KCNAB2: variants seen among roughly 807,000 people sequenced by gnomAD.
KCNAB2 encodes the protein voltage-gated potassium channel subunit beta-2.
Under a neutral mutation model 63.6 loss-of-function variants are expected in KCNAB2, and 29 were observed. The ratio of observed to expected loss-of-function variants is 0.46; its 90% confidence interval spans 0.34 to 0.62. The LOEUF (loss-of-function observed/expected upper bound fraction) is 0.62. Among genes scored for constraint, KCNAB2 ranks in the 20% least tolerant of loss-of-function variants. The pLI is 0.01. For synonymous variants in KCNAB2, 222 were observed against 224.2 expected (o/e 0.99, Z 0.09); for missense variants, 359 against 563.9 (o/e 0.64, Z 3.68).
rs946166633 is a variant in KCNAB2, at chr1:6,069,615, G to A, written c.219-3140G>A. Among the ~76,000 whole-genome samples, 1 of 152,212 alleles carries A rather than the reference G, an allele frequency of 6.6e-6. No homozygotes were observed. Among genetic ancestry groups the A allele is most frequent in the African/African-American group, 2.4e-5 (1 of 41,444 alleles). On this transcript the variant is annotated intron_variant, in intron 2 of 15. Transcript: ENST00000378083. This position sits in a 1 kb window ranked among gnomAD's most constrained non-coding sequence, Gnocchi z 5.4. ...GATGGGGAAGAAATCGGTAGAAAAT[G>A]ATCTCTGTGTCTGGGAAGTTTCAAG...
chr1:6,050,864 A>G (rs1570959896), intron 1 of KCNAB2, among the ~76,000 whole-genome samples: 1 of 152,358 alleles, frequency 6.6e-6, no homozygotes, highest in East Asian at 1.9e-4. Flanking sequence ...ATGAAGCCCA[A>G]AGATCTCTGC....
At chr1:6,093,834 A>T (rs1373220759) in intron 10 of KCNAB2, among the ~76,000 whole-genome samples, 3 of 152,168 alleles carry the variant, frequency 2.0e-5, no homozygotes, top group Non-Finnish European at 4.4e-5. Context: ...CTCAGCCCCG[A>T]AGCCCTATTC....
intron 2 of KCNAB2, among the ~76,000 whole-genome samples, chr1:6,070,419 G>A (rs1663097084): frequency 6.6e-6 from 1 of 152,168 alleles, no homozygotes; most frequent in Admixed American, 6.5e-5. Flanking sequence ...TATGTGGAAT[G>A]TATTAGTGGT....
At chr1:6,067,528 C>G (rs919110040) in intron 2 of KCNAB2, among the ~76,000 whole-genome samples, 6 of 152,288 alleles carry the variant, frequency 3.9e-5, no homozygotes, top group African/African-American at 1.4e-4. Flanking sequence ...TAAGCCAACC[C>G]TTGCTGGAGG....
chr1:6,020,152 G>A (rs578043296), intron 1 of KCNAB2, among the ~76,000 whole-genome samples: 1 of 152,274 alleles, frequency 6.6e-6, no homozygotes, highest in South Asian at 2.1e-4. Flanking sequence ...AACACTTGGG[G>A]GATGTGCCCC....
At chr1:6,081,335 C>A (rs559727516) in intron 4 of KCNAB2, among the ~76,000 whole-genome samples, 1 of 152,366 alleles carries the variant, frequency 6.6e-6, no homozygotes, top group South Asian at 2.1e-4. Context: ...GTCAGTTGCT[C>A]CATCTACAAA....
intron 11 of KCNAB2, among the ~76,000 whole-genome samples, chr1:6,094,984 T>C (rs1158244555): frequency 6.6e-6 from 1 of 152,208 alleles, no homozygotes; most frequent in Non-Finnish European, 1.5e-5. Flanking sequence ...AGGCAGCCCA[T>C]TTTTCAGATG....
chr1:6,034,022 T>C (rs1659838611), upstream of KCNAB2, among the ~76,000 whole-genome samples: 1 of 151,902 alleles, frequency 6.6e-6, no homozygotes, highest in Admixed American at 6.6e-5. Flanking sequence ...TTGGGTCTGG[T>C]GTGTTGGTTT....
At chr1:6,082,346 C>T in intron 5 of KCNAB2, 72 bp downstream of exon 5, 2 of 1,192,020 alleles carry the variant, frequency 1.7e-6, no homozygotes, top group Non-Finnish European at 2.5e-6. Context: ...GGGATTCCTG[C>T]CGCTCGCGTT....
chr1:6,057,441 G>A (rs942223778), intron 2 of KCNAB2, among the ~76,000 whole-genome samples: 9 of 151,970 alleles, frequency 5.9e-5, no homozygotes, highest in Admixed American at 5.9e-4. Flanking sequence ...GGAGGGCACT[G>A]AGGGCAGGAG....
rs1282435222 is a variant in KCNAB2 at position 6,071,030 on chromosome 1, C to T, written c.219-1725C>T. On this transcript the variant is annotated intron_variant, in intron 2 of 15. Transcript: ENST00000378083. The surrounding 1 kb of genome is among the most constrained non-coding windows in gnomAD (Gnocchi z 8.5). ...TTTTAAAGTACCTTCAGTTTGGTGACACGTTCAACTGTTTTCAAGCTGCTT... is the reference window on the plus strand; with the variant it reads ...TTTTAAAGTACCTTCAGTTTGGTGATACGTTCAACTGTTTTCAAGCTGCTT... Among the ~76,000 whole-genome samples the T allele has an allele frequency of 6.6e-6, 1 of 152,090 alleles. No homozygotes were observed.
At chr1:5,993,244 A>G (rs556494733) in intron 1 of KCNAB2, among the ~76,000 whole-genome samples, 18 of 151,290 alleles carry the variant, frequency 1.2e-4, no homozygotes, top group African/African-American at 2.2e-4. Context: ...TCGCTTCTCA[A>G]GGCTCATCCG....
chr1:6,030,301 A>G (rs1659492322), upstream of KCNAB2, among the ~76,000 whole-genome samples: 1 of 152,186 alleles, frequency 6.6e-6, no homozygotes, highest in Admixed American at 6.5e-5. Context: ...CATATGTAGC[A>G]GGGTGGACTG....
chr1:6,087,545 G>T lies in KCNAB2; in HGVS notation c.470+34G>T, dbSNP rs200176919. ...AACAGCTGGCGATGCTTCCAGCCCCGGCCCAGCAGCCACGGCCCCGTGCTC... is the reference window on the plus strand; with the variant it reads ...AACAGCTGGCGATGCTTCCAGCCCCTGCCCAGCAGCCACGGCCCCGTGCTC... On this transcript the variant is annotated intron_variant, in intron 7 of 15. Coordinates refer to ENST00000378083, the MANE Select transcript of KCNAB2 (RefSeq NM_001199862.2). This position sits in a 1 kb window ranked among gnomAD's most constrained non-coding sequence, Gnocchi z 6.4. 1.2e-6 allele frequency: 2 copies of T among 1,612,252 alleles called. No homozygotes were observed. The highest frequency in any genetic ancestry group is 1.1e-5 in the South Asian group (1 of 91,022).
intron 2 of KCNAB2, among the ~76,000 whole-genome samples, chr1:6,061,333 G>A (rs999568433): frequency 2.0e-5 from 3 of 151,898 alleles, no homozygotes; most frequent in Non-Finnish European, 4.4e-5. Flanking sequence ...GGGCCGGGCG[G>A]TGGCTCACGC....
chr1:6,040,718 C>A, intron 2 of KCNAB2: 1 of 927,944 alleles, frequency 1.1e-6, no homozygotes, highest in Non-Finnish European at 1.7e-6. Flanking sequence ...CCCAAGGCCA[C>A]TGTCCTCCCC....
intron 5 of KCNAB2, among the ~76,000 whole-genome samples, chr1:6,084,689 G>C (rs1243207246): frequency 6.6e-6 from 1 of 151,956 alleles, no homozygotes; most frequent in Non-Finnish European, 1.5e-5. Context: ...GGTGGCAGGT[G>C]CCTGTAGTCC....
At chr1:6,018,295 G>A (rs1182651312) in intron 1 of KCNAB2, among the ~76,000 whole-genome samples, 1 of 152,190 alleles carries the variant, frequency 6.6e-6, no homozygotes. Flanking sequence ...AGGAAATTCA[G>A]TCTCTATTGC....
chr1:6,027,184 T>C (rs1428843488), intron 1 of KCNAB2: 1 of 151,568 alleles, frequency 6.6e-6, no homozygotes, highest in Non-Finnish European at 1.5e-5. Flanking sequence ...GGTGTGGTCT[T>C]GGAGGGAGGA....
Sources: gnomAD v4.1 joint callset for allele counts (sites outside exome capture counted in the v4.1 genomes callset) on GRCh38, gnomAD v4.1.1 for gene constraint, Gnocchi (gnomAD v3.1) non-coding constraint, MANE v1.5 for transcripts, NCBI Gene and HGNC (gene_info 2026-07-23, HGNC 2026-07-21) for gene names.